The following PRPF19 variants were observed in gnomAD, a reference collection of about 807,000 sequenced individuals.
PRPF19 encodes pre-mRNA processing factor 19.
In PRPF19, 2 loss-of-function variants were observed where a neutral mutation model predicts 64.2. The observed-to-expected ratio is 0.03, with a 90% CI of 0.01 to 0.10. PRPF19 has a LOEUF of 0.10. Ranked by LOEUF, PRPF19 falls within the 10% of genes least tolerant of loss-of-function variation. The pLI, the probability that PRPF19 is intolerant of heterozygous loss-of-function variation, is 1.00. For missense variants in PRPF19, 314 were observed against 650.0 expected, an observed-to-expected ratio of 0.48 and a Z score of 5.62; for synonymous variants, 226 against 251.6, an observed-to-expected ratio of 0.90 and a Z score of 0.96.
chr11:60,904,593 A>G (rs949111211), intron 1 of PRPF19, among the ~76,000 whole-genome samples: 20 of 152,146 alleles, frequency 1.3e-4, no homozygotes, highest in African/African-American at 4.8e-4. Flanking sequence ...TGCAACAGTG[A>G]CTCAAACAAT....
intron 1 of PRPF19, among the ~76,000 whole-genome samples, chr11:60,904,228 T>C (rs1489623124): frequency 6.6e-6 from 1 of 152,236 alleles, no homozygotes; most frequent in Non-Finnish European, 1.5e-5. Context: ...GACATGGAGA[T>C]ACACATGAAG....
chr11:60,900,527 G>A, intron 10 of PRPF19, 55 bp downstream of exon 10: 2 of 1,376,918 alleles, frequency 1.5e-6, no homozygotes, highest in Non-Finnish European at 2.0e-6. Flanking sequence ...GCGGGGTGAG[G>A]GACAAACAAC....
chr11:60,896,185 C>G (rs1236366017), intron 15 of PRPF19, among the ~76,000 whole-genome samples: 1 of 152,108 alleles, frequency 6.6e-6, no homozygotes, highest in Non-Finnish European at 1.5e-5. Context: ...TATGCCTATA[C>G]TATACTTTTT....
At chr11:60,894,738 C>T (rs1855901711) in intron 15 of PRPF19, among the ~76,000 whole-genome samples, 2 of 152,172 alleles carry the variant, frequency 1.3e-5, no homozygotes, top group Admixed American at 1.3e-4. Flanking sequence ...GAACCACTAT[C>T]CAGGGCAGCT....
chr11:60,897,224 T>C (rs1047733007), intron 15 of PRPF19, among the ~76,000 whole-genome samples: 4 of 152,236 alleles, frequency 2.6e-5, no homozygotes, highest in Non-Finnish European at 1.5e-5. Flanking sequence ...CTTGTTTAGA[T>C]ACACAAATAC....
At chr11:60,892,440 T>C (rs1855871309) in intron 15 of PRPF19, among the ~76,000 whole-genome samples, 1 of 152,214 alleles carries the variant, frequency 6.6e-6, no homozygotes, top group African/African-American at 2.4e-5. Flanking sequence ...CGTTCTGACC[T>C]ATGTATTCAC....
At chr11:60,899,362 A>G (rs1855957131) in intron 10 of PRPF19, 58 bp from the exon 11 acceptor site, 1 of 1,523,114 alleles carries the variant, frequency 6.6e-7, no homozygotes, top group African/African-American at 1.4e-5. Flanking sequence ...GACCAAAACA[A>G]TCTTATAAAA....
At position 60,902,501 on chromosome 11, in the gene PRPF19, G is replaced by T; in HGVS notation, c.463-36C>A. 2 of 1,611,170 alleles carry T rather than the reference G, an allele frequency of 1.2e-6. No individual in the cohort carries two copies. The highest frequency in any genetic ancestry group is 1.3e-5 in the African/African-American group (1 of 74,958). ...GAAAGGTGAGGGTGAGAGGCACAGA[G>T]CACCAAAGACACCTGCATAAGGACA... is the stretch of plus-strand genomic sequence containing the variant. On this transcript the variant is annotated intron_variant, in intron 5 of 15. Coordinates refer to ENST00000227524, the MANE Select transcript of PRPF19 (RefSeq NM_014502.5). The surrounding 1 kb of genome is among the most constrained non-coding windows in gnomAD (Gnocchi z 5.0).
Position 60,906,501 on chromosome 11 carries a change from C to T in PRPF19, c.-119G>A. The T allele has an allele frequency of 1.8e-6, 2 of 1,136,330 alleles. No homozygotes were observed. Among genetic ancestry groups the T allele is most frequent in the Non-Finnish European group, 2.5e-6 (2 of 803,734 alleles). 70.4% of individuals were successfully genotyped at this position (1,136,330 alleles called of 1,614,324 possible). A position where few individuals can be genotyped will look rare whatever the true frequency, so the allele number is the denominator to read the frequency against. Reference sequence around the variant, plus strand: ...GGACTGCTCCGCGGCGAGCTGGGAGCCGCCAGCCGAGCGATGCTAGCGTAG... The same window carrying T: ...GGACTGCTCCGCGGCGAGCTGGGAGTCGCCAGCCGAGCGATGCTAGCGTAG... On this transcript the variant is annotated 5_prime_UTR_variant, in exon 1 of 16. Transcript: ENST00000227524.
In PRPF19 at chr11:60,898,293, A is replaced by G. The variant is rs1193716556; in HGVS notation, c.1141-22T>C. On this transcript the variant is annotated intron_variant, in intron 13 of 15. Coordinates refer to ENST00000227524, the MANE Select transcript of PRPF19 (RefSeq NM_014502.5). The surrounding 1 kb of genome is among the most constrained non-coding windows in gnomAD (Gnocchi z 4.6). ...GTTCCTACAGTGGCGGTGGGTAGTAAAATACGTCACCCACAGATCATGAGA... is the reference window on the plus strand; with the variant it reads ...GTTCCTACAGTGGCGGTGGGTAGTAGAATACGTCACCCACAGATCATGAGA... 2 of 1,610,842 alleles carry G rather than the reference A, an allele frequency of 1.2e-6. No homozygotes were observed. The highest frequency in any genetic ancestry group is 2.7e-5 in the African/African-American group (2 of 74,910).
chr11:60,898,283 G>T lies in PRPF19; in HGVS notation c.1141-12C>A. The T allele has an allele frequency of 1.2e-6, 2 of 1,611,920 alleles. No homozygotes were observed. The highest frequency in any genetic ancestry group is 1.7e-5 in the Admixed American group (1 of 59,742). ...ACATTAGTACGTTCCTACAGTGGCG[G>T]TGGGTAGTAAAATACGTCACCCACA... On this transcript the variant is annotated splice_polypyrimidine_tract_variant and intron_variant, in intron 13 of 15. Coordinates refer to ENST00000227524, the MANE Select transcript of PRPF19 (RefSeq NM_014502.5). This position sits in a 1 kb window ranked among gnomAD's most constrained non-coding sequence, Gnocchi z 4.6.
chr11:60,893,578 G>A (rs1258362774), intron 15 of PRPF19, among the ~76,000 whole-genome samples: 10 of 151,702 alleles, frequency 6.6e-5, no homozygotes, highest in African/African-American at 1.2e-4. Flanking sequence ...CAGGGACATC[G>A]CTGGTTCAGC....
rs369053079 is a variant in PRPF19, at chr11:60,901,549, G to A, written c.526-9C>T. 3.7e-6 allele frequency: 6 copies of A among 1,614,014 alleles called. No individual in the cohort carries two copies. Among genetic ancestry groups the A allele is most frequent in the Non-Finnish European group, 5.1e-6 (6 of 1,180,028 alleles). On this transcript the variant is annotated splice_polypyrimidine_tract_variant and intron_variant, in intron 6 of 15. Transcript: ENST00000227524. ...GTGGCTTTGTCTTGAAGCTGGGGAAGAACAGGCTCAATGTGAGACAAATCA... is the reference window on the plus strand; with the variant it reads ...GTGGCTTTGTCTTGAAGCTGGGGAAAAACAGGCTCAATGTGAGACAAATCA...
chr11:60,895,259 A>G lies in PRPF19; in HGVS notation c.1417+2587T>C, dbSNP rs567721187. On this transcript the variant is annotated intron_variant, in intron 15 of 15. Transcript: ENST00000227524. The stretch of plus-strand genomic sequence containing the variant: ...TTGTTGAGTGTACCCACCGTCAATG[A>G]TCTTAGCTAGGTCTTCCGGATAACT... Among the ~76,000 whole-genome samples the G allele has an allele frequency of 3.3e-5, 5 of 152,336 alleles. No homozygotes were observed. The East Asian group carries it at 5.8e-4, about 18-fold the overall frequency.
intron 15 of PRPF19, among the ~76,000 whole-genome samples, chr11:60,896,335 A>T (rs1855920436): frequency 6.6e-6 from 1 of 152,196 alleles, no homozygotes; most frequent in Admixed American, 6.5e-5. Context: ...GGTGCCCCCG[A>T]AGACCTTCCG....
intron 15 of PRPF19, among the ~76,000 whole-genome samples, chr11:60,896,659 G>A (rs74836455): frequency 6.6e-6 from 1 of 152,112 alleles, no homozygotes; most frequent in South Asian, 2.1e-4. Flanking sequence ...GAGGCCTCCC[G>A]AGTCACTGTG....
chr11:60,891,151 CA>C lies in PRPF19; in HGVS notation c.*14del, dbSNP rs1855854380. On this transcript the variant is annotated 3_prime_UTR_variant, in exon 16 of 16. Coordinates refer to ENST00000227524, the MANE Select transcript of PRPF19 (RefSeq NM_014502.5). ...TACTGAGATGAGGCCCAGCTTCCAT[CA>C]GAAGGGCCAGGGCCTACAGGCTGTA... is the stretch of plus-strand genomic sequence containing the variant. The C allele has an allele frequency of 4.0e-6, 5 of 1,263,398 alleles. No individual in the cohort carries two copies. Among genetic ancestry groups the C allele is most frequent in the Non-Finnish European group, 5.6e-6 (5 of 896,274 alleles). The allele number at this position is 1,263,398 out of a possible 1,614,324, so 78.3% of individuals were successfully genotyped here. A position where few individuals can be genotyped will look rare whatever the true frequency, so the allele number is the denominator to read the frequency against.
chr11:60,903,200 T>C lies in PRPF19; in HGVS notation c.246+259A>G, dbSNP rs533917506. On this transcript the variant is annotated intron_variant, in intron 3 of 15. Transcript: ENST00000227524. ...CAACACTGCTGCTGCTGCTATTTAT[T>C]GATCGCCCTCGTTGTGTCAGGCACT... 7.3e-4 allele frequency among the ~76,000 whole-genome samples: 111 copies of C among 152,294 alleles called. 2 individuals carry two copies. Among genetic ancestry groups the C allele is most frequent in the Admixed American group, 6.9e-3 (106 of 15,296 alleles).
In PRPF19 at chr11:60,903,451, G is replaced by C; in HGVS notation, c.246+8C>G. On this transcript the variant is annotated splice_region_variant and intron_variant, in intron 3 of 15. Coordinates refer to ENST00000227524, the MANE Select transcript of PRPF19 (RefSeq NM_014502.5). ...GGGGAAGATGCTGATTCTCTTGCAG[G>C]AACTCACCCACTCATCCTGCAAAGC... 6.2e-7 allele frequency: 1 copy of C among 1,610,908 alleles called. No individual in the cohort carries two copies. Among genetic ancestry groups the C allele is most frequent in the Non-Finnish European group, 8.5e-7 (1 of 1,178,144 alleles).
Sources: allele counts gnomAD v4.1 joint callset (sites outside exome capture counted in the v4.1 genomes callset), GRCh38; gene constraint gnomAD v4.1.1; non-coding constraint Gnocchi (gnomAD v3.1); transcripts MANE v1.5; gene names NCBI Gene and HGNC (gene_info 2026-07-23, HGNC 2026-07-21).